Variants in GLT8D2 observed in about 807,000 individuals in gnomAD.
GLT8D2 encodes glycosyltransferase 8 domain-containing protein 2.
Under a neutral mutation model 44.5 loss-of-function variants are expected in GLT8D2, and 45 were observed. The ratio of observed to expected loss-of-function variants is 1.01; its 90% CI spans 0.80 to 1.30. The LOEUF (loss-of-function observed/expected upper bound fraction) is 1.30, where lower values mean the gene tolerates loss of function less well. GLT8D2 is among the 50% of genes most tolerant of loss of function. GLT8D2 has a pLI of 0.00. For missense variants in GLT8D2, 400 were observed against 430.4 expected, an observed-to-expected ratio of 0.93 and a Z score of 0.62; for synonymous variants, 156 against 157.2, an observed-to-expected ratio of 0.99 and a Z score of 0.06.
At chr12:104,056,768 G>A (rs919262715) in intron 1 of GLT8D2, among the ~76,000 whole-genome samples, 1 of 152,204 alleles carries the variant, frequency 6.6e-6, no homozygotes, top group Non-Finnish European at 1.5e-5. Context: ...AAATTACTAT[G>A]TAAATAACAG....
At chr12:103,998,565 A>G (rs1485895834) in intron 6 of GLT8D2, among the ~76,000 whole-genome samples, 1 of 152,152 alleles carries the variant, frequency 6.6e-6, no homozygotes, top group Non-Finnish European at 1.5e-5. Context: ...GCCTGCCACC[A>G]TGCCCAGCTA....
intron 1 of GLT8D2, chr12:104,031,474 T>C (rs934248237): frequency 2.5e-6 from 4 of 1,613,198 alleles, no homozygotes; most frequent in Middle Eastern, 1.8e-4. Context: ...CCATGCAGTT[T>C]CTGGGGGATG....
chr12:104,062,219 A>G (rs1882715179), intron 1 of GLT8D2, among the ~76,000 whole-genome samples: 2 of 151,522 alleles, frequency 1.3e-5, no homozygotes, highest in Non-Finnish European at 1.5e-5. Context: ...GATTACAGGC[A>G]TGCACCACCA....
chr12:104,033,824 A>G (rs9738005), intron 1 of GLT8D2, among the ~76,000 whole-genome samples: 2 of 128,858 alleles, frequency 1.6e-5, no homozygotes, highest in Non-Finnish European at 3.4e-5. Flanking sequence ...ATATATATAT[A>G]TGTATATATT....
intron 1 of GLT8D2, among the ~76,000 whole-genome samples, chr12:104,037,730 G>A (rs1292858315): frequency 2.6e-5 from 4 of 152,178 alleles, no homozygotes; most frequent in Admixed American, 1.3e-4. Context: ...AAAGGAGCTG[G>A]TACCATTCCT....
chr12:104,005,605 T>C (rs1434676004), intron 4 of GLT8D2, among the ~76,000 whole-genome samples: 1 of 152,124 alleles, frequency 6.6e-6, no homozygotes, highest in Non-Finnish European at 1.5e-5. Context: ...AAGAAGACAT[T>C]TATGCAACCA....
intron 1 of GLT8D2, among the ~76,000 whole-genome samples, chr12:104,038,896 A>C (rs934308250): frequency 6.6e-6 from 1 of 152,194 alleles, no homozygotes; most frequent in Non-Finnish European, 1.5e-5. Flanking sequence ...TTCAAACTAT[A>C]CTAAAAGGCT....
intron 9 of GLT8D2, chr12:103,993,837 A>G (rs926164484): frequency 2.4e-5 from 5 of 209,034 alleles, no homozygotes; most frequent in African/African-American, 1.2e-4. Flanking sequence ...TTATGATGGT[A>G]TTAAAATATC....
upstream of GLT8D2, among the ~76,000 whole-genome samples, chr12:104,051,147 G>T (rs940483601): frequency 6.6e-6 from 1 of 151,602 alleles, no homozygotes; most frequent in African/African-American, 2.4e-5. Flanking sequence ...AAGAGACAGG[G>T]TCTTGCTCTG....
chr12:104,035,013 C>T (rs180956796), intron 1 of GLT8D2, among the ~76,000 whole-genome samples: 22 of 152,304 alleles, frequency 1.4e-4, no homozygotes, highest in Admixed American at 1.1e-3. Flanking sequence ...CTGGTGATAC[C>T]GAGGCAAACA....
At chr12:103,995,870 T>C (rs1873353322) in intron 8 of GLT8D2, among the ~76,000 whole-genome samples, 1 of 152,228 alleles carries the variant, frequency 6.6e-6, no homozygotes, top group Non-Finnish European at 1.5e-5. Flanking sequence ...GAACTTTACA[T>C]GTACTACCTC....
intron 4 of GLT8D2, among the ~76,000 whole-genome samples, chr12:104,010,343 A>G (rs1487663033): frequency 6.6e-6 from 1 of 152,146 alleles, no homozygotes; most frequent in African/African-American, 2.4e-5. Flanking sequence ...TTCCTTCCCA[A>G]TGCCTGGAAT....
At position 103,999,392 on chromosome 12, in the gene GLT8D2, C is replaced by A. The variant is rs1451580090; in HGVS notation, c.402+5G>T. The A allele has an allele frequency of 6.4e-7, 1 of 1,568,000 alleles. No homozygotes were observed. Among genetic ancestry groups the A allele is most frequent in the Non-Finnish European group, 8.8e-7 (1 of 1,138,020 alleles). The stretch of plus-strand genomic sequence containing the variant: ...GTCCCCAGCACCTGTGTGGTCCCTA[C>A]TTACAGGCTGGAGCAATTCAGGCCT... On this transcript the variant is annotated splice_donor_5th_base_variant and intron_variant, in intron 6 of 10. Coordinates refer to ENST00000360814, the MANE Select transcript of GLT8D2 (RefSeq NM_001384711.1).
intron 3 of GLT8D2, among the ~76,000 whole-genome samples, 184 bp downstream of exon 3, chr12:104,019,445 CT>C (rs1877344310): frequency 6.6e-6 from 1 of 152,066 alleles, no homozygotes; most frequent in African/African-American, 2.4e-5. Context: ...CCACTTCTGA[CT>C]AAAATACTGA....
At chr12:104,013,370 T>C (rs1876121337) in intron 4 of GLT8D2, among the ~76,000 whole-genome samples, 1 of 152,254 alleles carries the variant, frequency 6.6e-6, no homozygotes, top group Non-Finnish European at 1.5e-5. Context: ...ATATTGCAGC[T>C]TGTATCAGTC....
intron 1 of GLT8D2, among the ~76,000 whole-genome samples, chr12:104,062,639 A>G (rs1407574955): frequency 6.6e-6 from 1 of 152,058 alleles, no homozygotes; most frequent in Non-Finnish European, 1.5e-5. Flanking sequence ...TCTCTTATTT[A>G]TCTCTCTTTA....
rs1420102445 is a variant in GLT8D2 at position 104,012,185 on chromosome 12, AAAAAATATATAT to A, written c.112+2816_112+2827del. Among the ~76,000 whole-genome samples the A allele has an allele frequency of 1.5e-3, 133 of 86,084 alleles. 1 individual carries two copies. The East Asian group carries it at 0.033, about 22-fold the overall frequency. The allele number at this position is 86,084 out of a possible 152,430, so 56.5% of individuals were successfully genotyped here. A position where few individuals can be genotyped will look rare whatever the true frequency, so the allele number is the denominator to read the frequency against. ...AACTCTGTCTCAAAAAAAAAAAAAA[AAAAAATATATAT>A]ATATATATATATATACCTTAAACAC... On this transcript the variant is annotated intron_variant, in intron 4 of 10. Coordinates refer to ENST00000360814, the MANE Select transcript of GLT8D2 (RefSeq NM_001384711.1).
intron 5 of GLT8D2, among the ~76,000 whole-genome samples, chr12:104,001,596 T>C (rs1874224378): frequency 6.6e-6 from 1 of 152,226 alleles, no homozygotes; most frequent in African/African-American, 2.4e-5. Flanking sequence ...GTCACTGAAG[T>C]GACATATATG....
intron 1 of GLT8D2, among the ~76,000 whole-genome samples, chr12:104,033,599 T>C (rs1056292646): frequency 6.6e-6 from 1 of 152,126 alleles, no homozygotes; most frequent in African/African-American, 2.4e-5. Context: ...CTGTTATTAC[T>C]AATAATGTAT....
Sources: allele counts gnomAD v4.1 joint callset (sites outside exome capture counted in the v4.1 genomes callset), GRCh38; gene constraint gnomAD v4.1.1; transcripts MANE v1.5; gene names NCBI Gene and HGNC (gene_info 2026-07-23, HGNC 2026-07-21).